The following ITSN2 variants were observed in gnomAD, a reference collection of about 807,000 sequenced individuals.
ITSN2 encodes the protein intersectin-2.
Under a neutral mutation model 243.7 loss-of-function variants are expected in ITSN2, and 156 were observed. That is an observed-to-expected ratio of 0.64 (90% CI 0.56 to 0.73). The LOEUF is 0.73. ITSN2 is among the 30% of genes least tolerant of loss of function. ITSN2 has a pLI of 0.00. For missense variants in ITSN2, 1,801 were observed against 1,996.1 expected (o/e 0.90, Z 1.86); for synonymous variants, 703 against 699.9 (o/e 1.00, Z -0.07).
chr2:24,360,899 C>G (rs1055317971), upstream of ITSN2, among the ~76,000 whole-genome samples: 14 of 152,352 alleles, frequency 9.2e-5, no homozygotes, highest in African/African-American at 3.4e-4. Flanking sequence ...CCCTGTTGCA[C>G]CCACCACGGG....
intron 8 of ITSN2, 111 bp downstream of exon 8, chr2:24,308,506 G>T (rs1161617016): frequency 4.7e-6 from 3 of 633,272 alleles, no homozygotes; most frequent in Non-Finnish European, 7.3e-6. Flanking sequence ...AAATTTTTTG[G>T]ATGTTAAAAT....
chr2:24,295,918 A>G (rs1680904713), intron 13 of ITSN2, 114 bp from the exon 14 acceptor site: 3 of 789,320 alleles, frequency 3.8e-6, no homozygotes, highest in East Asian at 6.7e-5. Flanking sequence ...ATTCATATTC[A>G]TCCTGAAACA....
In ITSN2 at chr2:24,211,030, C is replaced by T. The variant is rs1164167754; in HGVS notation, c.4090-83G>A. ...GACCTTCGCAGGACCGCTCCTCCAA[C>T]CCCATGTTATGGACTGCTTCCATGC... is the stretch of plus-strand genomic sequence containing the variant. On this transcript the variant is annotated intron_variant, in intron 33 of 39. Coordinates refer to ENST00000355123, the MANE Select transcript of ITSN2 (RefSeq NM_006277.3). The surrounding 1 kb of genome is among the most constrained non-coding windows in gnomAD (Gnocchi z 4.1). The T allele has an allele frequency of 8.2e-5, 111 of 1,357,388 alleles. No homozygotes were observed. The highest frequency in any genetic ancestry group is 3.1e-6 in the Non-Finnish European group (3 of 966,090). The allele number at this position is 1,357,388 out of a possible 1,614,324, so 84.1% of individuals were successfully genotyped here.
chr2:24,346,351 A>C (rs1402021387), intron 1 of ITSN2, among the ~76,000 whole-genome samples: 1 of 152,200 alleles, frequency 6.6e-6, no homozygotes, highest in Non-Finnish European at 1.5e-5. Flanking sequence ...CAAATCATCA[A>C]ATTCCAATAT....
At chr2:24,330,351 G>C (rs1685638014) in intron 1 of ITSN2, 3 of 501,078 alleles carry the variant, frequency 6.0e-6, no homozygotes, top group African/African-American at 2.0e-5. Context: ...AAGCCTGCAT[G>C]CCACTGCATC....
At chr2:24,351,610 G>A (rs1688024883) in intron 1 of ITSN2, among the ~76,000 whole-genome samples, 1 of 152,148 alleles carries the variant, frequency 6.6e-6, no homozygotes, top group African/African-American at 2.4e-5. Context: ...GATAATTCCA[G>A]AAATAAACAA....
chr2:24,291,469 C>G (rs1680239085), intron 15 of ITSN2, among the ~76,000 whole-genome samples: 1 of 149,310 alleles, frequency 6.7e-6, no homozygotes, highest in African/African-American at 2.5e-5. Context: ...AGTGTTATAG[C>G]TGCATATTTC....
Position 24,282,092 on chromosome 2 carries a change from G to C in ITSN2, c.1944+2671C>G, listed in dbSNP as rs537479606. ...GGTGAGGACAGGCACTCCTGCCTTT[G>C]CACCCAAATGTTGCATCTTCCAAGA... On this transcript the variant is annotated intron_variant, in intron 17 of 39. Transcript: ENST00000355123. Among the ~76,000 whole-genome samples, 10 of 152,348 alleles carry C rather than the reference G, an allele frequency of 6.6e-5. No individual in the cohort carries two copies. In the East Asian group the frequency reaches 1.7e-3, roughly 26 times the overall value.
chr2:24,262,994 C>CT (rs1223987268), intron 20 of ITSN2, among the ~76,000 whole-genome samples: 1 of 152,088 alleles, frequency 6.6e-6, no homozygotes, highest in East Asian at 1.9e-4. Context: ...CTACTTCAGG[C>CT]TTTTTTTCAT....
intron 29 of ITSN2, among the ~76,000 whole-genome samples, chr2:24,234,119 C>A (rs2551176): frequency 0.98 from 148,868 of 152,224 alleles, 72,789 homozygotes; most frequent in East Asian, 0.99. Flanking sequence ...TGATACTGGC[C>A]AAAGAATACA....
At chr2:24,248,111 C>A (rs565460186) in intron 27 of ITSN2, among the ~76,000 whole-genome samples, 3 of 152,090 alleles carry the variant, frequency 2.0e-5, no homozygotes, top group South Asian at 4.2e-4. Flanking sequence ...AGAGAAGAAC[C>A]CTTTTCCTGT....
chr2:24,291,489 C>CTT (rs143144650), intron 15 of ITSN2, among the ~76,000 whole-genome samples: 6 of 97,730 alleles, frequency 6.1e-5, no homozygotes, highest in African/African-American at 1.5e-4. Flanking sequence ...CTTCTTCTTC[C>CTT]TTTTTTTTTT....
At chr2:24,220,883 CCCA>C (rs1670378173) in intron 30 of ITSN2, 59 bp downstream of exon 30, 1 of 1,523,744 alleles carries the variant, frequency 6.6e-7, no homozygotes, top group African/African-American at 1.4e-5. Context: ...GAGTCTGATG[CCCA>C]CCATCTCTCA....
In ITSN2 at chr2:24,325,326, C is replaced by T. The variant is rs138799832; in HGVS notation, c.31+2726G>A. On this transcript the variant is annotated intron_variant, in intron 2 of 39. Coordinates refer to ENST00000355123, the MANE Select transcript of ITSN2 (RefSeq NM_006277.3). ...TCAGGAAGCAGAGGCAGGAGGATTG[C>T]TTGAATCTAGCAAGTCGAGGCTGCA... 1.5e-3 allele frequency among the ~76,000 whole-genome samples: 229 copies of T among 152,062 alleles called. 1 individual carries two copies. The highest frequency in any genetic ancestry group is 5.2e-3 in the African/African-American group (215 of 41,424).
chr2:24,294,026 T>C (rs2151616299), intron 14 of ITSN2, among the ~76,000 whole-genome samples: 1 of 152,320 alleles, frequency 6.6e-6, no homozygotes, highest in Middle Eastern at 3.4e-3. Context: ...ATGGGGTGTG[T>C]CTAGAAGCCT....
At chr2:24,352,445 C>A (rs766208348) in intron 1 of ITSN2, among the ~76,000 whole-genome samples, 1 of 152,110 alleles carries the variant, frequency 6.6e-6, no homozygotes, top group African/African-American at 2.4e-5. Context: ...GTTTTTCTCA[C>A]TTTAATCAAT....
At chr2:24,332,412 G>T (rs1205284035) in intron 1 of ITSN2, among the ~76,000 whole-genome samples, 1 of 151,836 alleles carries the variant, frequency 6.6e-6, no homozygotes, top group Non-Finnish European at 1.5e-5. Context: ...GCATAATTCT[G>T]AAATAAAACC....
chr2:24,224,141 T>A (rs191420153), intron 29 of ITSN2, among the ~76,000 whole-genome samples: 1 of 152,254 alleles, frequency 6.6e-6, no homozygotes, highest in Admixed American at 6.5e-5. Flanking sequence ...CTACTCGGTG[T>A]GGCCAGGTGA....
intron 2 of ITSN2, among the ~76,000 whole-genome samples, chr2:24,322,526 G>T (rs1159170097): frequency 6.6e-6 from 1 of 152,024 alleles, no homozygotes; most frequent in East Asian, 1.9e-4. Context: ...GAAAGAACTG[G>T]ATATCCATAT....
Sources: gnomAD v4.1 joint callset for allele counts (sites outside exome capture counted in the v4.1 genomes callset) on GRCh38, gnomAD v4.1.1 for gene constraint, Gnocchi (gnomAD v3.1) non-coding constraint, MANE v1.5 for transcripts, NCBI Gene and HGNC (gene_info 2026-07-23, HGNC 2026-07-21) for gene names.